FOXR1: variants seen among roughly 807,000 people sequenced by gnomAD.
FOXR1 encodes forkhead box R1.
A neutral mutation model predicts 34.5 loss-of-function variants in FOXR1; 25 were observed. The observed-to-expected ratio is 0.72, with a 90% CI of 0.53 to 1.01. FOXR1 has a LOEUF of 1.01. Ranked by LOEUF, FOXR1 falls within the 50% of genes least tolerant of loss-of-function variation. The pLI, the probability that FOXR1 is intolerant of heterozygous loss-of-function variation, is 0.00. For synonymous variants in FOXR1, 153 were observed against 141.6 expected (o/e 1.08, Z -0.57); for missense variants, 373 against 376.2 (o/e 0.99, Z 0.07).
chr11:118,977,728 G>A (rs1322792110), intron 1 of FOXR1, among the ~76,000 whole-genome samples: 2 of 152,216 alleles, frequency 1.3e-5, no homozygotes, highest in Non-Finnish European at 2.9e-5. Context: ...CATAGGGACA[G>A]TGAGGGGGCA....
At chr11:118,980,866 T>C in intron 5 of FOXR1, 138 bp downstream of exon 5, 1 of 864,414 alleles carries the variant, frequency 1.2e-6, no homozygotes, top group Non-Finnish European at 1.7e-6. Context: ...TTAACAGTGA[T>C]CTGAGACCCT....
chr11:118,973,199 AACTGACCTGGC>A (rs1202005366), intron 1 of FOXR1, among the ~76,000 whole-genome samples: 11 of 152,186 alleles, frequency 7.2e-5, no homozygotes, highest in East Asian at 1.9e-4. Context: ...GAGCACCTCC[AACTGACCTGGC>A]ACTGTTTTAG....
chr11:118,979,040 A>C lies in FOXR1; in HGVS notation c.220A>C (p.Arg74=), dbSNP rs1941814202. ...PPGKLEVSGR[R]KREDLTSTLP... is the part of the protein sequence containing the mutation. ...TGGAAAGCTGGAGGTCTCAGGACGT[A>C]GGAAGAGGGAGGACCTGACAAGCAC... Residue 74 remains arginine, a synonymous_variant, in exon 3 of 6, where the codon AGG becomes CGG. Coordinates refer to ENST00000317011, the MANE Select transcript of FOXR1 (RefSeq NM_181721.3). The C allele has an allele frequency of 5.0e-6, 8 of 1,602,446 alleles. No individual in the cohort carries two copies. The highest frequency in any genetic ancestry group is 6.8e-6 in the Non-Finnish European group (8 of 1,174,654).
chr11:118,980,284 CAGAG>C (rs1565647520), intron 4 of FOXR1: 5 of 700,110 alleles, frequency 7.1e-6, no homozygotes, highest in Admixed American at 6.0e-5. Context: ...CCTGGGCCCT[CAGAG>C]GGAGGGAGGG....
In FOXR1 at chr11:118,978,860, C is replaced by T. The variant is rs199834368; in HGVS notation, c.136+4C>T. On this transcript the variant is annotated splice_donor_region_variant and intron_variant, in intron 2 of 5. Coordinates refer to ENST00000317011, the MANE Select transcript of FOXR1 (RefSeq NM_181721.3). The stretch of plus-strand genomic sequence containing the variant: ...AAACCCAACCCTGATAAGGATGGTA[C>T]GTATTGAGTTCTCTGACCTGTTTCT... The T allele has an allele frequency of 9.9e-5, 159 of 1,614,190 alleles. No individual in the cohort carries two copies. In the African/African-American group the frequency reaches 1.8e-3, roughly 18 times the overall value.
intron 1 of FOXR1, among the ~76,000 whole-genome samples, chr11:118,978,497 A>C (rs1941805299): frequency 6.6e-6 from 1 of 152,222 alleles, no homozygotes; most frequent in African/African-American, 2.4e-5. Context: ...GCTAGGCTAG[A>C]GGTGAAGATT....
intron 1 of FOXR1, among the ~76,000 whole-genome samples, chr11:118,978,104 G>C (rs1043039012): frequency 6.6e-6 from 1 of 152,058 alleles, no homozygotes; most frequent in African/African-American, 2.4e-5. Flanking sequence ...TGTAGTCCCA[G>C]CTTCTTGGGA....
At chr11:118,974,304 A>G (rs1941752438) in intron 1 of FOXR1, among the ~76,000 whole-genome samples, 1 of 152,220 alleles carries the variant, frequency 6.6e-6, no homozygotes, top group Non-Finnish European at 1.5e-5. Flanking sequence ...CTCCAGGCTC[A>G]AGCAATGCTC....
At chr11:118,972,116 C>T in intron 1 of FOXR1, 124 bp downstream of exon 1, 1 of 648,084 alleles carries the variant, frequency 1.5e-6, no homozygotes. Flanking sequence ...GCTTGGGGGG[C>T]CGAGCGCCCC....
At chr11:118,980,768 C>A in intron 5 of FOXR1, 40 bp downstream of exon 5, 1 of 1,570,744 alleles carries the variant, frequency 6.4e-7, no homozygotes. Flanking sequence ...GGGGAAGAGA[C>A]CTGAGGATCC....
intron 4 of FOXR1, 80 bp from the exon 5 acceptor site, chr11:118,980,410 C>T (rs1400348773): frequency 8.7e-6 from 13 of 1,498,644 alleles, no homozygotes; most frequent in Admixed American, 6.7e-5. Context: ...AAGCCCCTGG[C>T]CCCTGGGTAG....
At chr11:118,980,144 T>C in intron 4 of FOXR1, 1 of 520,226 alleles carries the variant, frequency 1.9e-6, no homozygotes, top group Admixed American at 2.3e-5. Context: ...TCTTGGGCCC[T>C]TTCCCAGTGT....
chr11:118,978,976 C>A lies in FOXR1; in HGVS notation c.156C>A (p.Asn52Lys). ...PDKDGPDYEP[N>K]LWMWVNPNIV... ...GCACAGGTCCAGATTATGAGCCCAACCTCTGGATGTGGGTAAATCCCAACA... is the reference window on the plus strand; with the variant it reads ...GCACAGGTCCAGATTATGAGCCCAAACTCTGGATGTGGGTAAATCCCAACA... The change falls in exon 3 of 6, where the codon AAC becomes AAA. Residue 52 changes from asparagine (N) to lysine (K), a missense_variant. By Grantham distance (94) the Asn-to-Lys change is moderately conservative (BLOSUM62 0). Coordinates refer to ENST00000317011, the MANE Select transcript of FOXR1 (RefSeq NM_181721.3). 1 of 1,604,882 alleles carries A rather than the reference C, an allele frequency of 6.2e-7. No homozygotes were observed. The highest frequency in any genetic ancestry group is 8.5e-7 in the Non-Finnish European group (1 of 1,174,468).
chr11:118,980,921 G>T (rs1241970069), intron 5 of FOXR1, among the ~76,000 whole-genome samples, 193 bp downstream of exon 5: 1 of 152,216 alleles, frequency 6.6e-6, no homozygotes, highest in Non-Finnish European at 1.5e-5. Context: ...CCAGTGTGGG[G>T]CGTGATGTGC....
chr11:118,975,813 G>C (rs1941773286), intron 1 of FOXR1, among the ~76,000 whole-genome samples: 1 of 152,144 alleles, frequency 6.6e-6, no homozygotes, highest in South Asian at 2.1e-4. Context: ...CCAGTCCATT[G>C]ATCCTATCAC....
rs369297325 is a variant in FOXR1, at chr11:118,979,515, C to T, written c.458C>T (p.Ala153Val). The T allele has an allele frequency of 3.2e-5, 52 of 1,613,164 alleles. No homozygotes were observed. The highest frequency in any genetic ancestry group is 6.6e-5 in the South Asian group (6 of 90,902). ...GCTCTCCCATCCCCTCACAAAAGGG[C>T]CCCCCTCCAGAGTCGGAGGCTTCGG... ...SMALPSPHKR[A>V]PLQSRRLRQA... The change falls in exon 4 of 6, where the codon GCC becomes GTC. Residue 153 changes from alanine to valine, a missense_variant. Coordinates refer to ENST00000317011, the MANE Select transcript of FOXR1 (RefSeq NM_181721.3).
chr11:118,979,718 G>A (rs782520629), intron 4 of FOXR1, 50 bp downstream of exon 4: 24 of 1,486,320 alleles, frequency 1.6e-5, no homozygotes, highest in South Asian at 4.0e-5. Context: ...CCAGGGCCCC[G>A]GGCTGATGCC....
chr11:118,974,556 G>A (rs1452134976), intron 1 of FOXR1, among the ~76,000 whole-genome samples: 1 of 152,190 alleles, frequency 6.6e-6, no homozygotes, highest in Non-Finnish European at 1.5e-5. Flanking sequence ...ATACACTGCT[G>A]TCACTGTCTT....
intron 1 of FOXR1, 28 bp downstream of exon 1, chr11:118,972,020 G>C: frequency 6.9e-7 from 1 of 1,444,730 alleles, no homozygotes; most frequent in Non-Finnish European, 9.1e-7. Context: ...TGAGGTGGGG[G>C]GCTGGGCGTG....
Sources: allele counts gnomAD v4.1 joint callset (sites outside exome capture counted in the v4.1 genomes callset), GRCh38; gene constraint gnomAD v4.1.1; transcripts MANE v1.5; gene names NCBI Gene and HGNC (gene_info 2026-07-23, HGNC 2026-07-21).